VWA3B: variants seen among roughly 807,000 people sequenced by gnomAD.
VWA3B encodes the protein von Willebrand factor A domain-containing protein 3B.
In VWA3B, 138 loss-of-function variants were observed where a neutral mutation model predicts 158.3. That is an observed-to-expected ratio of 0.87 (90% confidence interval 0.76 to 1.00). The LOEUF is 1.00. Ranked by LOEUF, VWA3B falls within the 50% of genes least tolerant of loss-of-function variation. The pLI is 0.00. For missense variants in VWA3B, 1,555 were observed against 1,565.1 expected (o/e 0.99, Z 0.11); for synonymous variants, 596 against 587.3 (o/e 1.01, Z -0.21).
chr2:98,200,144 G>A (rs1682404177), intron 12 of VWA3B, among the ~76,000 whole-genome samples: 1 of 152,156 alleles, frequency 6.6e-6, no homozygotes, highest in Admixed American at 6.5e-5. Context: ...CTGTATGTAT[G>A]TCTTCTTTGG....
intron 7 of VWA3B, among the ~76,000 whole-genome samples, chr2:98,159,621 G>T (rs1678394933): frequency 6.6e-6 from 1 of 152,142 alleles, no homozygotes; most frequent in Admixed American, 6.5e-5. Context: ...ATGCATTCTG[G>T]TTGGAGAATC....
chr2:98,236,280 C>A, intron 17 of VWA3B, 110 bp from the exon 18 acceptor site: 1 of 1,169,622 alleles, frequency 8.5e-7, no homozygotes, highest in Non-Finnish European at 1.2e-6. Flanking sequence ...AAATGTGGTC[C>A]ATTTATTAGC....
At chr2:98,310,665 C>T (rs893204639) in intron 26 of VWA3B, among the ~76,000 whole-genome samples, 1 of 152,136 alleles carries the variant, frequency 6.6e-6, no homozygotes, top group African/African-American at 2.4e-5. Context: ...AGAGCAGGGG[C>T]GGTAAGTGTA....
At chr2:98,187,834 T>A (rs1681233615) in intron 9 of VWA3B, 141 bp from the exon 10 acceptor site, 1 of 853,222 alleles carries the variant, frequency 1.2e-6, no homozygotes. Context: ...GGAACATATT[T>A]GGTTGAACTA....
At chr2:98,157,779 G>A (rs1341364493) in intron 7 of VWA3B, among the ~76,000 whole-genome samples, 1 of 152,188 alleles carries the variant, frequency 6.6e-6, no homozygotes, top group East Asian at 1.9e-4. Flanking sequence ...GGTTGGGCAG[G>A]GCCACAAACA....
chr2:98,250,289 C>G (rs759724870), intron 19 of VWA3B, 29 bp from the exon 20 acceptor site: 1 of 1,579,318 alleles, frequency 6.3e-7, no homozygotes, highest in Non-Finnish European at 8.6e-7. Context: ...TCAAGTGACA[C>G]TTTCCTTTCC....
At chr2:98,229,041 C>T (rs1685144703) in intron 15 of VWA3B, 1 of 152,106 alleles carries the variant, frequency 6.6e-6, no homozygotes, top group Admixed American at 6.5e-5. Flanking sequence ...CACTGTCTTC[C>T]TGTTAGCAAA....
At chr2:98,270,651 CTG>C in intron 21 of VWA3B, 29 bp from the exon 22 acceptor site, 1 of 1,588,540 alleles carries the variant, frequency 6.3e-7, no homozygotes, top group South Asian at 1.1e-5. Context: ...GTTTCTTCCT[CTG>C]TTTGTTTGTT....
At chr2:98,237,601 G>A (rs943077609) in intron 19 of VWA3B, among the ~76,000 whole-genome samples, 5 of 152,174 alleles carry the variant, frequency 3.3e-5, no homozygotes, top group African/African-American at 1.2e-4. Flanking sequence ...CAACAAGGAG[G>A]TGCTCATCTT....
At chr2:98,309,419 G>A (rs1253729073) in intron 26 of VWA3B, among the ~76,000 whole-genome samples, 2 of 152,120 alleles carry the variant, frequency 1.3e-5, no homozygotes, top group Non-Finnish European at 2.9e-5. Context: ...TGTATGAGTC[G>A]GCAGGAGGAG....
intron 20 of VWA3B, among the ~76,000 whole-genome samples, chr2:98,253,513 T>A (rs1686934057): frequency 2.0e-5 from 3 of 152,128 alleles, no homozygotes; most frequent in Admixed American, 1.3e-4. Flanking sequence ...GGCTGGATTC[T>A]GGAGTGATTT....
chr2:98,297,815 T>TTA, intron 23 of VWA3B, 92 bp from the exon 24 acceptor site: 4 of 1,382,586 alleles, frequency 2.9e-6, no homozygotes, highest in Non-Finnish European at 3.8e-6. Flanking sequence ...AGGCAAAGTG[T>TTA]TATAACTCAG....
intron 20 of VWA3B, among the ~76,000 whole-genome samples, chr2:98,252,960 G>T (rs1448757502): frequency 6.6e-6 from 1 of 151,858 alleles, no homozygotes; most frequent in African/African-American, 2.4e-5. Flanking sequence ...TAACATGATT[G>T]GTATTATTTA....
Position 98,264,254 on chromosome 2 carries a change from T to C in VWA3B, c.2844-6428T>C, listed in dbSNP as rs566176395. Among the ~76,000 whole-genome samples the C allele has an allele frequency of 3.0e-3, 452 of 152,170 alleles. 8 individuals carry two copies. Among genetic ancestry groups the C allele is most frequent in the African/African-American group, 0.01 (431 of 41,516 alleles). Reference sequence around the variant, plus strand: ...CTATTTCTAATCTTTATTATTTTCTTCCCTCTGCTAACTTGGGCTTTCATT... The same window carrying C: ...CTATTTCTAATCTTTATTATTTTCTCCCCTCTGCTAACTTGGGCTTTCATT... On this transcript the variant is annotated intron_variant, in intron 21 of 27. Coordinates refer to ENST00000477737, the MANE Select transcript of VWA3B (RefSeq NM_144992.5).
At chr2:98,292,960 T>A (rs1689585606) in intron 23 of VWA3B, among the ~76,000 whole-genome samples, 1 of 151,072 alleles carries the variant, frequency 6.6e-6, no homozygotes, top group Non-Finnish European at 1.5e-5. Flanking sequence ...TGAGACTCTA[T>A]CTCCAAAAAA....
intron 19 of VWA3B, among the ~76,000 whole-genome samples, chr2:98,243,538 A>G (rs1574178764): frequency 6.6e-6 from 1 of 151,960 alleles, no homozygotes; most frequent in South Asian, 2.1e-4. Flanking sequence ...GTTTCACCAT[A>G]TTGGCCAAGC....
At chr2:98,153,561 G>A (rs1272962238) in intron 7 of VWA3B, among the ~76,000 whole-genome samples, 1 of 152,188 alleles carries the variant, frequency 6.6e-6, no homozygotes. Context: ...AGACACCTGT[G>A]ATCTCTAATT....
At position 98,165,983 on chromosome 2, in the gene VWA3B, C is replaced by T. The variant is rs1329153767; in HGVS notation, c.1114+3007C>T. ...GAGTGTGTGGCCTGAATTGTGCCCC[C>T]CCAGTTCATACAATGAAGCCCCCAT... On this transcript the variant is annotated intron_variant, in intron 8 of 27. Transcript: ENST00000477737. Among the ~76,000 whole-genome samples the T allele has an allele frequency of 2.6e-5, 4 of 152,076 alleles. No individual in the cohort carries two copies. The South Asian group carries it at 6.2e-4, about 24-fold the overall frequency.
At chr2:98,281,109 C>T (rs1688853340) in intron 22 of VWA3B, among the ~76,000 whole-genome samples, 1 of 152,218 alleles carries the variant, frequency 6.6e-6, no homozygotes, top group South Asian at 2.1e-4. Flanking sequence ...TTCCTGTAAG[C>T]TCTTTTCTCA....
Sources: allele counts gnomAD v4.1 joint callset (sites outside exome capture counted in the v4.1 genomes callset), GRCh38; gene constraint gnomAD v4.1.1; transcripts MANE v1.5; gene names NCBI Gene and HGNC (gene_info 2026-07-23, HGNC 2026-07-21).